Variants in MYT1L observed in about 807,000 individuals in gnomAD.
MYT1L encodes the protein myelin transcription factor 1 like.
Under a neutral mutation model 126.7 loss-of-function variants are expected in MYT1L, and 12 were observed. The ratio of observed to expected loss-of-function variants is 0.09; its 90% CI spans 0.06 to 0.15. The LOEUF is 0.15. Among genes scored for constraint, MYT1L ranks in the 10% least tolerant of loss-of-function variants. The pLI is 1.00. For missense variants in MYT1L, 979 were observed against 1,585.2 expected (o/e 0.62, Z 6.49); for synonymous variants, 541 against 604.2 (o/e 0.90, Z 1.53).
intron 2 of MYT1L, among the ~76,000 whole-genome samples, chr2:2,218,449 G>T (rs1478351737): frequency 2.0e-5 from 3 of 152,166 alleles, no homozygotes; most frequent in Non-Finnish European, 4.4e-5. Flanking sequence ...TATGTTGAGT[G>T]CAAGAATACA....
chr2:1,911,846 G>A (rs1243136157), intron 12 of MYT1L, among the ~76,000 whole-genome samples, 174 bp downstream of exon 12: 1 of 152,178 alleles, frequency 6.6e-6, no homozygotes, highest in African/African-American at 2.4e-5. Context: ...AAACCATCCA[G>A]TTTGCACCAC....
chr2:2,276,889 C>G (rs1250304853), intron 2 of MYT1L, among the ~76,000 whole-genome samples: 1 of 152,224 alleles, frequency 6.6e-6, no homozygotes. Context: ...CACTCCTGTC[C>G]CCAGAGCCCA....
intron 2 of MYT1L, among the ~76,000 whole-genome samples, chr2:2,239,612 CGT>C (rs1016689232): frequency 4.6e-5 from 7 of 152,178 alleles, no homozygotes; most frequent in Admixed American, 3.9e-4. Context: ...GATGCCATGC[CGT>C]CAACCTAAGA....
chr2:2,169,550 C>G (rs915185563), intron 3 of MYT1L, among the ~76,000 whole-genome samples: 14 of 152,176 alleles, frequency 9.2e-5, no homozygotes, highest in African/African-American at 2.9e-4. Flanking sequence ...ACCTTTTTAT[C>G]GAGCTGGTGG....
At chr2:1,861,690 G>C (rs1165534520) in intron 18 of MYT1L, among the ~76,000 whole-genome samples, 2 of 151,724 alleles carry the variant, frequency 1.3e-5, no homozygotes, top group Non-Finnish European at 2.9e-5. Context: ...TACGGCCTGT[G>C]TAATCCTGGA....
intron 2 of MYT1L, among the ~76,000 whole-genome samples, chr2:2,276,992 CT>C (rs1023932718): frequency 6.7e-6 from 1 of 149,790 alleles, no homozygotes; most frequent in African/African-American, 2.5e-5. Context: ...TTCTCTTTTT[CT>C]TTTTTTGAGA....
At chr2:2,239,129 C>T (rs1361678826) in intron 2 of MYT1L, among the ~76,000 whole-genome samples, 1 of 152,264 alleles carries the variant, frequency 6.6e-6, no homozygotes, top group African/African-American at 2.4e-5. Flanking sequence ...CAATTCGAAA[C>T]TAGCACATGA....
chr2:2,293,462 G>A (rs1023854689), intron 1 of MYT1L, among the ~76,000 whole-genome samples: 1 of 152,220 alleles, frequency 6.6e-6, no homozygotes, highest in Admixed American at 6.5e-5. Flanking sequence ...AGATCTGCAG[G>A]AGCAGGGCGT....
intron 19 of MYT1L, among the ~76,000 whole-genome samples, chr2:1,849,856 A>G (rs1290184044): frequency 6.6e-6 from 1 of 152,182 alleles, no homozygotes; most frequent in Non-Finnish European, 1.5e-5. Context: ...AGTTACCTTC[A>G]GTGAGATTTT....
chr2:2,315,287 A>G, intron 1 of MYT1L, among the ~76,000 whole-genome samples: 1 of 151,866 alleles, frequency 6.6e-6, no homozygotes, highest in East Asian at 1.9e-4. Flanking sequence ...GACATTCAGT[A>G]AATAAGTGTT....
chr2:1,854,832 C>T (rs574207133), intron 18 of MYT1L, among the ~76,000 whole-genome samples: 5 of 152,174 alleles, frequency 3.3e-5, no homozygotes, highest in Non-Finnish European at 7.3e-5. Flanking sequence ...TCTCTTGAGA[C>T]GCCTCTCCAC....
At chr2:1,854,703 G>A (rs1237746105) in intron 18 of MYT1L, among the ~76,000 whole-genome samples, 1 of 152,196 alleles carries the variant, frequency 6.6e-6, no homozygotes, top group East Asian at 1.9e-4. Context: ...CCAGGATTTC[G>A]AGTTGGGCGG....
chr2:2,114,257 T>G (rs2079904584), intron 3 of MYT1L, among the ~76,000 whole-genome samples: 1 of 152,246 alleles, frequency 6.6e-6, no homozygotes, highest in Non-Finnish European at 1.5e-5. Flanking sequence ...ATTTTGATTT[T>G]CAGTGCAAGT....
chr2:2,251,937 AAAG>A (rs1425786420), intron 2 of MYT1L, among the ~76,000 whole-genome samples: 5 of 151,832 alleles, frequency 3.3e-5, no homozygotes, highest in African/African-American at 9.7e-5. Flanking sequence ...GAAGAAAAGA[AAAG>A]AAAAAAAGGG....
chr2:2,274,643 A>G (rs947401597), intron 2 of MYT1L, among the ~76,000 whole-genome samples: 1 of 152,228 alleles, frequency 6.6e-6, no homozygotes, highest in African/African-American at 2.4e-5. Flanking sequence ...TACTTAAAAC[A>G]TATTTCTAAA....
chr2:1,965,065 CCAG>C (rs2059236052), intron 8 of MYT1L, among the ~76,000 whole-genome samples: 1 of 152,244 alleles, frequency 6.6e-6, no homozygotes, highest in African/African-American at 2.4e-5. Flanking sequence ...ATTCCGGTCA[CCAG>C]CAGCACTACT....
At chr2:2,099,027 G>A (rs987868054) in intron 3 of MYT1L, among the ~76,000 whole-genome samples, 12 of 152,186 alleles carry the variant, frequency 7.9e-5, no homozygotes, top group Admixed American at 7.9e-4. Flanking sequence ...TGTAGCACAA[G>A]CACCGCTAGG....
intron 2 of MYT1L, among the ~76,000 whole-genome samples, chr2:2,236,379 CA>C (rs777260911): frequency 2.0e-5 from 3 of 148,576 alleles, no homozygotes; most frequent in Non-Finnish European, 4.5e-5. Flanking sequence ...CATCCCAACC[CA>C]CCCCAGTACA....
chr2:2,086,528 T>C (rs2076366646), intron 3 of MYT1L, among the ~76,000 whole-genome samples: 1 of 152,204 alleles, frequency 6.6e-6, no homozygotes, highest in South Asian at 2.1e-4. Flanking sequence ...TAATTTGTAC[T>C]CACTTTGTAA....
Sources: allele counts gnomAD v4.1 joint callset (sites outside exome capture counted in the v4.1 genomes callset), GRCh38; gene constraint gnomAD v4.1.1; transcripts MANE v1.5; gene names NCBI Gene and HGNC (gene_info 2026-07-23, HGNC 2026-07-21).